Variants in SWI5 observed in about 807,000 individuals in gnomAD.
SWI5 encodes the protein DNA repair protein SWI5 homolog.
A neutral mutation model predicts 17.0 loss-of-function variants in SWI5; 12 were observed. The observed-to-expected ratio is 0.71, with a 90% CI of 0.45 to 1.14. The LOEUF (loss-of-function observed/expected upper bound fraction) is 1.14, where lower values mean the gene tolerates loss of function less well. Ranked by LOEUF, SWI5 falls within the 50% of genes most tolerant of loss-of-function variation. SWI5 has a pLI of 0.00. For synonymous variants in SWI5, 61 were observed against 64.0 expected (o/e 0.95, Z 0.22); for missense variants, 158 against 162.2 (o/e 0.97, Z 0.14).
At chr9:128,279,012 C>T (rs1831488289) in intron 2 of SWI5, among the ~76,000 whole-genome samples, 1 of 152,180 alleles carries the variant, frequency 6.6e-6, no homozygotes, top group South Asian at 2.1e-4. Context: ...CTCAGTGATC[C>T]ACCCGCCTCA....
At chr9:128,286,140 C>A in intron 4 of SWI5, 107 bp downstream of exon 4, 1 of 784,600 alleles carries the variant, frequency 1.3e-6, no homozygotes, top group Non-Finnish European at 2.1e-6. Context: ...ACCGTCACAC[C>A]CTCAGCAGTT....
intron 2 of SWI5, among the ~76,000 whole-genome samples, chr9:128,281,042 T>C (rs1021867503): frequency 1.5e-5 from 2 of 137,080 alleles, no homozygotes; most frequent in African/African-American, 5.4e-5. Context: ...TTTTTTTTTT[T>C]TTTTTTTTTT....
chr9:128,276,287 C>T (rs372695907), exon 1 of SWI5: 8 of 1,612,592 alleles, frequency 5.0e-6, no homozygotes, highest in African/African-American at 1.3e-5. Flanking sequence ...GTTCACACTC[C>T]GGGTCAGAGT....
chr9:128,276,356 C>G, exon 1 of SWI5: 1 of 1,613,334 alleles, frequency 6.2e-7, no homozygotes, highest in Non-Finnish European at 8.5e-7. Context: ...CCCTCTTGCG[C>G]CATTGAACCC....
chr9:128,281,453 T>C lies in SWI5; in HGVS notation c.112-3057T>C, dbSNP rs572887205. ...TCCACCTTTCTGCCAAGCTAAAGCC[T>C]GCTCATCCTTTAAAATTTAGCTTCC... On this transcript the variant is annotated intron_variant, in intron 2 of 4. Transcript: ENST00000418976. Among the ~76,000 whole-genome samples, 20 of 152,316 alleles carry C rather than the reference T, an allele frequency of 1.3e-4. 1 individual carries two copies. In the South Asian group the frequency reaches 4.1e-3, roughly 32 times the overall value.
rs1227587127 is a variant in SWI5 at position 128,278,609 on chromosome 9, T to C, written c.111+1854T>C. The C allele has an allele frequency of 1.1e-5, 5 of 469,900 alleles. No individual in the cohort carries two copies. In the East Asian group the frequency reaches 3.5e-4, roughly 33 times the overall value. The allele number at this position is 469,900 out of a possible 1,614,324, so 29.1% of individuals were successfully genotyped here. On this transcript the variant is annotated intron_variant, in intron 2 of 4. Transcript: ENST00000418976. Reference sequence around the variant, plus strand: ...TCTATTGAGCATTGTCCCATCAGCTTACTTTACATGCATCATCTTTCCAGT... The same window carrying C: ...TCTATTGAGCATTGTCCCATCAGCTCACTTTACATGCATCATCTTTCCAGT...
intron 3 of SWI5, 50 bp downstream of exon 3, chr9:128,284,681 C>T (rs1831604847): frequency 6.3e-7 from 1 of 1,594,264 alleles, no homozygotes; most frequent in Non-Finnish European, 8.6e-7. Flanking sequence ...TTGGGCTAGG[C>T]ATAGTGGTTC....
At chr9:128,280,779 A>G (rs1467655794) in intron 2 of SWI5, among the ~76,000 whole-genome samples, 3 of 152,074 alleles carry the variant, frequency 2.0e-5, no homozygotes, top group Admixed American at 6.6e-5. Flanking sequence ...CGCCTCCCAA[A>G]GTGCTGGGAT....
At chr9:128,275,481 T>C (rs1449814747), upstream of SWI5, 1 of 1,297,332 alleles carries the variant, frequency 7.7e-7, no homozygotes, top group African/African-American at 1.6e-5. Context: ...GGAGGTCCGG[T>C]TTGGGGCGGC....
At chr9:128,276,844 A>G (rs1831405725) in intron 2 of SWI5, 89 bp downstream of exon 2, 5 of 1,367,218 alleles carry the variant, frequency 3.7e-6, no homozygotes, top group African/African-American at 2.9e-5. Context: ...ACAGCAGCCA[A>G]TCCCCGCTTG....
chr9:128,284,772 A>G lies in SWI5; in HGVS notation c.233+141A>G, dbSNP rs1831606590. ...GGAGTTTGAGACCAGCCTGGCCAACATGGCAAAACCCTGTCTCTACTAAAA... is the reference window on the plus strand; with the variant it reads ...GGAGTTTGAGACCAGCCTGGCCAACGTGGCAAAACCCTGTCTCTACTAAAA... On this transcript the variant is annotated intron_variant, in intron 3 of 4. Coordinates refer to ENST00000418976, the Ensembl canonical transcript of SWI5. 11 of 995,284 alleles carry G rather than the reference A, an allele frequency of 1.1e-5. No homozygotes were observed. In the East Asian group the frequency reaches 3.5e-4, roughly 32 times the overall value. The allele number at this position is 995,284 out of a possible 1,614,324, so 61.7% of individuals were successfully genotyped here.
At chr9:128,284,442 G>A (rs1831597070) in intron 2 of SWI5, 68 bp from the exon 3 acceptor site, 1 of 1,566,058 alleles carries the variant, frequency 6.4e-7, no homozygotes, top group Admixed American at 1.8e-5. Flanking sequence ...AGTGACTACT[G>A]GGGGACATGT....
At chr9:128,282,895 C>G (rs895389757) in intron 2 of SWI5, among the ~76,000 whole-genome samples, 2 of 152,220 alleles carry the variant, frequency 1.3e-5, no homozygotes, top group African/African-American at 4.8e-5. Context: ...AACCCAGTGA[C>G]AGATGGGCAT....
exon 5 of SWI5, chr9:128,288,846 C>T: frequency 9.9e-7 from 1 of 1,011,820 alleles, no homozygotes; most frequent in Middle Eastern, 2.6e-4. Flanking sequence ...TTCTAGAGAG[C>T]CCAAGCCCAA....
chr9:128,285,561 A>T lies in SWI5; in HGVS notation c.234-378A>T, dbSNP rs764895450. On this transcript the variant is annotated intron_variant, in intron 3 of 4. Coordinates refer to ENST00000418976, the Ensembl canonical transcript of SWI5. This position sits in a 1 kb window ranked among gnomAD's most constrained non-coding sequence, Gnocchi z 4.8. ...TCTTGAACGCCTCCTGGAGTTCCCC[A>T]CACCTCTTGTTCCAGCCACATGGCA... Among the ~76,000 whole-genome samples, 5 of 151,610 alleles carry T rather than the reference A, an allele frequency of 3.3e-5. No individual in the cohort carries two copies. Among genetic ancestry groups the T allele is most frequent in the African/African-American group, 7.3e-5 (3 of 41,228 alleles).
rs1831615206 is a variant in SWI5 at position 128,285,151 on chromosome 9, G to A, written c.233+520G>A. On this transcript the variant is annotated intron_variant, in intron 3 of 4. Coordinates refer to ENST00000418976, the Ensembl canonical transcript of SWI5. The surrounding 1 kb of genome is among the most constrained non-coding windows in gnomAD (Gnocchi z 4.8). Reference sequence around the variant, plus strand: ...CACTGCACTCCAGCCTGGCTACAGAGCGAGACTTGGTAAAGAAAGAGAAAG... The same window carrying A: ...CACTGCACTCCAGCCTGGCTACAGAACGAGACTTGGTAAAGAAAGAGAAAG... Among the ~76,000 whole-genome samples, 2 of 151,358 alleles carry A rather than the reference G, an allele frequency of 1.3e-5. No homozygotes were observed. The highest frequency in any genetic ancestry group is 2.1e-4 in the South Asian group (1 of 4,794).
chr9:128,275,592 G>A (rs2131403912), upstream of SWI5: 1 of 1,001,768 alleles, frequency 1.0e-6, no homozygotes, highest in East Asian at 3.2e-5. Flanking sequence ...TAGGTCCTTG[G>A]AGACGCCAGC....
intron 2 of SWI5, among the ~76,000 whole-genome samples, chr9:128,277,922 C>T (rs1383080564): frequency 4.0e-5 from 6 of 148,790 alleles, no homozygotes; most frequent in Admixed American, 1.3e-4. Context: ...TCATGCCTTT[C>T]TCATTCATGC....
At position 128,285,692 on chromosome 9, in the gene SWI5, T is replaced by C. The variant is rs1169107941; in HGVS notation, c.234-247T>C. Among the ~76,000 whole-genome samples, 1 of 152,200 alleles carries C rather than the reference T, an allele frequency of 6.6e-6. No homozygotes were observed. The highest frequency in any genetic ancestry group is 1.5e-5 in the Non-Finnish European group (1 of 68,026). ...TCCCTCAGCTGTGGCCAGGGTCACA[T>C]GGTACCACTGTGGCTGGCAACCCCA... On this transcript the variant is annotated intron_variant, in intron 3 of 4. Transcript: ENST00000418976. This position sits in a 1 kb window ranked among gnomAD's most constrained non-coding sequence, Gnocchi z 4.8.
Sources: allele counts gnomAD v4.1 joint callset (sites outside exome capture counted in the v4.1 genomes callset), GRCh38; gene constraint gnomAD v4.1.1; non-coding constraint Gnocchi (gnomAD v3.1); transcripts MANE v1.5; gene names NCBI Gene and HGNC (gene_info 2026-07-23, HGNC 2026-07-21).